DCHS2: variants seen among roughly 807,000 people sequenced by gnomAD.
DCHS2 encodes protocadherin-23.
Under a neutral mutation model 182.4 loss-of-function variants are expected in DCHS2, and 142 were observed. The ratio of observed to expected loss-of-function variants is 0.78; its 90% CI spans 0.68 to 0.89. DCHS2 has a LOEUF of 0.89. Among genes scored for constraint, DCHS2 ranks in the 40% least tolerant of loss-of-function variants. DCHS2 has a pLI of 0.00. For synonymous variants in DCHS2, 1,740 were observed against 1,663.3 expected (o/e 1.05, Z -1.12); for missense variants, 4,319 against 4,198.6 (o/e 1.03, Z -0.79).
intron 1 of DCHS2, among the ~76,000 whole-genome samples, chr4:154,484,019 C>T (rs1313614240): frequency 6.6e-6 from 1 of 152,176 alleles, no homozygotes; most frequent in African/African-American, 2.4e-5. Flanking sequence ...TTAATTCACA[C>T]TGAAATCAAA....
At chr4:154,340,465 T>G (rs1342086225) in intron 3 of DCHS2, among the ~76,000 whole-genome samples, 1 of 152,200 alleles carries the variant, frequency 6.6e-6, no homozygotes, top group East Asian at 1.9e-4. Context: ...CTGAAAAATA[T>G]TCTCTCTGAT....
chr4:154,434,942 G>A (rs902714636), intron 1 of DCHS2, among the ~76,000 whole-genome samples: 2 of 152,104 alleles, frequency 1.3e-5, no homozygotes, highest in Non-Finnish European at 2.9e-5. Context: ...ACAGACCAGA[G>A]GAACCCAGGG....
In DCHS2 at chr4:154,375,049, A is replaced by G. The variant is rs1024121615; in HGVS notation, c.2244+2204T>C. 1.6e-4 allele frequency among the ~76,000 whole-genome samples: 25 copies of G among 152,296 alleles called. No individual in the cohort carries two copies. In the South Asian group the frequency reaches 4.8e-3, roughly 29 times the overall value. ...TGATACCATGACCTATGATAAAGCT[A>G]AAATAGTTAAGAGAGATGTTGCTAG... On this transcript the variant is annotated intron_variant, in intron 2 of 19. Transcript: ENST00000357232.
At chr4:154,321,404 A>G (rs1027351055) in intron 8 of DCHS2, among the ~76,000 whole-genome samples, 182 bp from the exon 9 acceptor site, 5 of 152,218 alleles carry the variant, frequency 3.3e-5, no homozygotes, top group African/African-American at 1.2e-4. Flanking sequence ...CAAAAACTGC[A>G]TAATATTTAG....
intron 1 of DCHS2, among the ~76,000 whole-genome samples, chr4:154,382,254 C>A (rs890382790): frequency 1.3e-5 from 2 of 152,058 alleles, no homozygotes; most frequent in African/African-American, 4.8e-5. Context: ...TGGTTGCCCA[C>A]CTTTCACCAT....
At chr4:154,404,066 A>G (rs1204001158) in intron 1 of DCHS2, among the ~76,000 whole-genome samples, 3 of 151,862 alleles carry the variant, frequency 2.0e-5, no homozygotes, top group African/African-American at 2.4e-5. Context: ...TTTGTGTTCT[A>G]CTTCATAGGA....
rs1178229481 is a variant in DCHS2 at position 154,490,913 on chromosome 4, C to T, written c.443G>A (p.Gly148Asp). The T allele has an allele frequency of 6.4e-7, 1 of 1,551,314 alleles. No individual in the cohort carries two copies. The highest frequency in any genetic ancestry group is 2.4e-5 in the East Asian group (1 of 40,910). The change falls in exon 1 of 20, where the codon GGC (glycine) becomes GAC (aspartate). Residue 148 changes from glycine to aspartate, a missense_variant. Transcript: ENST00000357232. ...GCGAATCTCCACCTGCACCACAGCG[C>T]CCAGCAGCGTGGCGGCGACGAAGCT... ...HYSFVAATLLGAVVQVEIRVN... is the reference protein window; with the variant it reads ...HYSFVAATLLDAVVQVEIRVN...
At chr4:154,326,662 A>C (rs1736296436) in intron 7 of DCHS2, among the ~76,000 whole-genome samples, 1 of 152,196 alleles carries the variant, frequency 6.6e-6, no homozygotes, top group Non-Finnish European at 1.5e-5. Context: ...TTGATAGTCC[A>C]TCTTTTCCCC....
At chr4:154,338,251 A>G (rs928854371) in intron 3 of DCHS2, among the ~76,000 whole-genome samples, 2 of 152,260 alleles carry the variant, frequency 1.3e-5, no homozygotes, top group African/African-American at 4.8e-5. Context: ...ATTTATAAAT[A>G]AAATTAAAAG....
chr4:154,364,139 T>C (rs1395798683), intron 3 of DCHS2, among the ~76,000 whole-genome samples: 1 of 152,184 alleles, frequency 6.6e-6, no homozygotes, highest in Non-Finnish European at 1.5e-5. Context: ...TAAAATTCCA[T>C]GAAAGTTCCC....
intron 1 of DCHS2, among the ~76,000 whole-genome samples, chr4:154,397,779 G>A (rs1362913977): frequency 6.6e-6 from 1 of 152,168 alleles, no homozygotes; most frequent in Non-Finnish European, 1.5e-5. Flanking sequence ...AATGAATTCC[G>A]AAGGGCTCCT....
At position 154,489,500 on chromosome 4, in the gene DCHS2, C is replaced by G; in HGVS notation, c.1856G>C (p.Arg619Pro). 3 of 1,551,660 alleles carry G rather than the reference C, an allele frequency of 1.9e-6. No homozygotes were observed. The highest frequency in any genetic ancestry group is 1.2e-5 in the South Asian group (1 of 84,030). ...DSESGAISTI[R>P]TLDREVQEAV... Reference sequence around the variant, plus strand: ...CTCCTGGACCTCTCGGTCTAGAGTCCGGATAGTGCTGATCGCACCGCTTTC... The same window carrying G: ...CTCCTGGACCTCTCGGTCTAGAGTCGGGATAGTGCTGATCGCACCGCTTTC... The change falls in exon 1 of 20, where the codon CGG becomes CCG. Residue 619 changes from arginine (R) to proline (P), a missense_variant. Coordinates refer to ENST00000357232, the MANE Select transcript of DCHS2 (RefSeq NM_001358235.2).
intron 2 of DCHS2, among the ~76,000 whole-genome samples, chr4:154,372,871 C>T (rs945130879): frequency 3.9e-5 from 6 of 152,042 alleles, no homozygotes; most frequent in Non-Finnish European, 7.4e-5. Context: ...ACAGTCTTCA[C>T]AAGGATAAAT....
At chr4:154,462,747 T>A (rs2093715431) in intron 1 of DCHS2, among the ~76,000 whole-genome samples, 1 of 152,128 alleles carries the variant, frequency 6.6e-6, no homozygotes, top group Admixed American at 6.5e-5. Context: ...GAAAACATTA[T>A]CTAATAGATT....
At chr4:154,429,343 T>G (rs559534864) in intron 1 of DCHS2, among the ~76,000 whole-genome samples, 3 of 152,262 alleles carry the variant, frequency 2.0e-5, no homozygotes, top group African/African-American at 7.2e-5. Flanking sequence ...GTGGGGGACA[T>G]CCTCAGTGCA....
intron 16 of DCHS2, among the ~76,000 whole-genome samples, chr4:154,249,772 C>T (rs1229350149): frequency 6.6e-6 from 1 of 151,976 alleles, no homozygotes; most frequent in Admixed American, 6.6e-5. Flanking sequence ...GGCTATAATC[C>T]TAAACAAATT....
chr4:154,432,114 G>A (rs1395399135), intron 1 of DCHS2, among the ~76,000 whole-genome samples: 1 of 152,136 alleles, frequency 6.6e-6, no homozygotes, highest in African/African-American at 2.4e-5. Flanking sequence ...AATACTGTGT[G>A]CAAAATAATT....
intron 1 of DCHS2, among the ~76,000 whole-genome samples, chr4:154,443,517 C>T (rs1579088052): frequency 6.6e-6 from 1 of 152,078 alleles, no homozygotes; most frequent in Admixed American, 6.5e-5. Context: ...CAGAAGAGAA[C>T]TTCCATATTT....
chr4:154,240,604 C>G lies in DCHS2; in HGVS notation c.7292G>C (p.Gly2431Ala), dbSNP rs755529548. ...QISDSVHYTE[G>A]ALVVRVLDVN... ...ATCCAGCACACGGACTACAAGTGCT[C>G]CCTCTGTGTAGTGCACTGAATCAGA... The change falls in exon 18 of 20, where the codon GGA becomes GCA. Residue 2431 changes from glycine to alanine, a missense_variant. Transcript: ENST00000357232. The G allele has an allele frequency of 5.0e-6, 8 of 1,613,762 alleles. No individual in the cohort carries two copies. The Admixed American group carries it at 1.2e-4, about 24-fold the overall frequency.
Sources: allele counts gnomAD v4.1 joint callset (sites outside exome capture counted in the v4.1 genomes callset), GRCh38; gene constraint gnomAD v4.1.1; transcripts MANE v1.5; gene names NCBI Gene and HGNC (gene_info 2026-07-23, HGNC 2026-07-21).